The following POPDC3 variants were observed in gnomAD, a reference collection of about 807,000 sequenced individuals.
POPDC3 encodes the protein popeye domain-containing protein 3.
POPDC3 carries 20 observed loss-of-function variants against 28.2 expected under a neutral mutation model. The observed-to-expected ratio is 0.71, with a 90% CI of 0.50 to 1.03. The LOEUF (loss-of-function observed/expected upper bound fraction) is 1.03. Among genes scored for constraint, POPDC3 ranks in the 50% least tolerant of loss-of-function variants. The probability of loss-of-function intolerance (pLI) is 0.00; values close to 1 mark genes in which losing one functional copy is unlikely to be tolerated. For synonymous variants in POPDC3, 118 were observed against 124.1 expected, an observed-to-expected ratio of 0.95 and a Z score of 0.33; for missense variants, 316 against 345.9, an observed-to-expected ratio of 0.91 and a Z score of 0.69.
intron 1 of POPDC3, among the ~76,000 whole-genome samples, chr6:105,174,018 G>A (rs1360186516): frequency 6.6e-6 from 1 of 152,122 alleles, no homozygotes; most frequent in Non-Finnish European, 1.5e-5. Context: ...TAGGACTCCG[G>A]GCAGAAAAAG....
At chr6:105,169,367 G>A (rs1774527821) in intron 1 of POPDC3, 1 of 152,130 alleles carries the variant, frequency 6.6e-6, no homozygotes, top group African/African-American at 2.4e-5. Context: ...CAGTGTCACT[G>A]AAGAGGTTTT....
At chr6:105,176,538 A>G (rs941638572) in intron 1 of POPDC3, among the ~76,000 whole-genome samples, 8 of 147,642 alleles carry the variant, frequency 5.4e-5, no homozygotes, top group African/African-American at 1.7e-4. Flanking sequence ...TTATAAAAGC[A>G]TTTCTTTTTA....
chr6:105,179,665 G>A (rs1187161182), intron 1 of POPDC3, among the ~76,000 whole-genome samples, 168 bp downstream of exon 1: 1 of 152,194 alleles, frequency 6.6e-6, no homozygotes, highest in African/African-American at 2.4e-5. Context: ...CCGGAGCCGG[G>A]AAGGGAGCGG....
rs1163320317 is a variant in POPDC3, at chr6:105,159,837, C to T, written c.486-18G>A. ...CTCTGATCCTATCAAAACACAAGAA[C>T]AACATTTATAAGGGAAGGAGAAAGA... On this transcript the variant is annotated intron_variant, in intron 2 of 3. Coordinates refer to ENST00000254765, the MANE Select transcript of POPDC3 (RefSeq NM_022361.5). 6.8e-7 allele frequency: 1 copy of T among 1,476,066 alleles called. No homozygotes were observed. The highest frequency in any genetic ancestry group is 2.3e-5 in the East Asian group (1 of 42,630). 91.4% of individuals were successfully genotyped at this position (1,476,066 alleles called of 1,614,324 possible).
intron 1 of POPDC3, chr6:105,177,076 C>T: frequency 5.7e-6 from 2 of 351,986 alleles, no homozygotes; most frequent in Non-Finnish European, 8.0e-6. Context: ...ATCCATGAAC[C>T]CAACAACCAG....
chr6:105,163,697 G>A (rs1436596365), intron 1 of POPDC3: 1 of 151,958 alleles, frequency 6.6e-6, no homozygotes, highest in East Asian at 1.9e-4. Context: ...AGGAGCTGTT[G>A]TTGAAGTTCC....
intron 1 of POPDC3, chr6:105,178,697 A>T (rs997560994): frequency 3.1e-6 from 3 of 982,694 alleles, no homozygotes; most frequent in Admixed American, 6.2e-5. Flanking sequence ...CTGAGATCCA[A>T]TTTTTTGTTT....
Position 105,161,621 on chromosome 6 carries a change from A to C in POPDC3, c.289T>G (p.Tyr97Asp), listed in dbSNP as rs747224292. ...GCAAAGGTTATGCTGCGAACTTGATATGCAATATGAACAAATTGCATGAAG... is the reference window on the plus strand; with the variant it reads ...GCAAAGGTTATGCTGCGAACTTGATCTGCAATATGAACAAATTGCATGAAG... Reference protein sequence around the residue: ...ICFMQFVHIAYQVRSITFARE... With the variant: ...ICFMQFVHIADQVRSITFARE... The change falls in exon 2 of 4, where the codon TAT (tyrosine) becomes GAT (aspartate). Residue 97 changes from tyrosine (Y) to aspartate (D), a missense_variant. Coordinates refer to ENST00000254765, the MANE Select transcript of POPDC3 (RefSeq NM_022361.5). 6 of 1,614,106 alleles carry C rather than the reference A, an allele frequency of 3.7e-6. No homozygotes were observed. Among genetic ancestry groups the C allele is most frequent in the Admixed American group, 1.7e-5 (1 of 60,012 alleles).
intron 3 of POPDC3, chr6:105,158,952 A>C (rs1774259663): frequency 9.0e-6 from 4 of 445,146 alleles, no homozygotes; most frequent in African/African-American, 2.0e-5. Flanking sequence ...AATAATCACA[A>C]TGTTCTAGCC....
intron 1 of POPDC3, chr6:105,179,198 A>AAC: frequency 3.0e-6 from 3 of 985,394 alleles, no homozygotes; most frequent in Non-Finnish European, 2.4e-6. Flanking sequence ...GGGGTTGGCA[A>AAC]ATTTCTTTTT....
At chr6:105,172,792 A>C (rs1355209092) in intron 1 of POPDC3, among the ~76,000 whole-genome samples, 2 of 149,430 alleles carry the variant, frequency 1.3e-5, no homozygotes, top group African/African-American at 4.9e-5. Flanking sequence ...AAGGACAAAA[A>C]ACCAAACACC....
intron 1 of POPDC3, among the ~76,000 whole-genome samples, chr6:105,167,110 A>G (rs1211894959): frequency 6.6e-6 from 1 of 152,022 alleles, no homozygotes; most frequent in East Asian, 1.9e-4. Context: ...TAGATGTTGA[A>G]TTAAAAAAAA....
At chr6:105,166,754 TAG>T (rs1258244688) in intron 1 of POPDC3, 1 of 431,258 alleles carries the variant, frequency 2.3e-6, no homozygotes. Context: ...GCCTCCATCA[TAG>T]ATTGTGTCAT....
chr6:105,163,321 C>G (rs574088088), intron 1 of POPDC3, among the ~76,000 whole-genome samples: 4 of 152,294 alleles, frequency 2.6e-5, no homozygotes, highest in African/African-American at 9.6e-5. Context: ...CATACATTCT[C>G]TACCCTTTCA....
At chr6:105,173,453 G>A (rs1774621245) in intron 1 of POPDC3, among the ~76,000 whole-genome samples, 1 of 152,166 alleles carries the variant, frequency 6.6e-6, no homozygotes, top group African/African-American at 2.4e-5. Flanking sequence ...GAATGGAGGA[G>A]TAAGTAATAA....
chr6:105,158,526 G>T lies in POPDC3; in HGVS notation c.820C>A (p.Arg274Ser). 3.1e-6 allele frequency: 5 copies of T among 1,613,950 alleles called. No individual in the cohort carries two copies. The highest frequency in any genetic ancestry group is 4.2e-6 in the Non-Finnish European group (5 of 1,179,926). ...AAATGTTGTGTCAGGGGTGATCTGCGTATTTCTGGAGTTGACATTTGATAG... is the reference window on the plus strand; with the variant it reads ...AAATGTTGTGTCAGGGGTGATCTGCTTATTTCTGGAGTTGACATTTGATAG... ...NFYQMSTPEI[R>S]RSPLTQHFQN... The change falls in exon 4 of 4, where the codon CGC becomes AGC. Residue 274 changes from arginine to serine, a missense_variant. Arg to Ser is a moderately radical substitution (Grantham distance 110, BLOSUM62 -1). Transcript: ENST00000254765.
At chr6:105,170,888 T>TA (rs1305500256) in intron 1 of POPDC3, among the ~76,000 whole-genome samples, 3 of 152,126 alleles carry the variant, frequency 2.0e-5, no homozygotes, top group East Asian at 1.9e-4. Context: ...CACTTGATAT[T>TA]AAAAAAAGGC....
chr6:105,175,272 C>T (rs1268019735), intron 1 of POPDC3, among the ~76,000 whole-genome samples: 5 of 151,820 alleles, frequency 3.3e-5, no homozygotes, highest in African/African-American at 1.2e-4. Flanking sequence ...GGTATAGTGG[C>T]TCATGCCTGT....
At chr6:105,160,384 T>C (rs576351703) in intron 2 of POPDC3, among the ~76,000 whole-genome samples, 1 of 151,866 alleles carries the variant, frequency 6.6e-6, no homozygotes, top group Non-Finnish European at 1.5e-5. Context: ...GCTAAGTTTT[T>C]TGTATTTTTA....
Sources: allele counts gnomAD v4.1 joint callset (sites outside exome capture counted in the v4.1 genomes callset), GRCh38; gene constraint gnomAD v4.1.1; transcripts MANE v1.5; gene names NCBI Gene and HGNC (gene_info 2026-07-23, HGNC 2026-07-21).